Variants in GRM5 observed in about 807,000 individuals in gnomAD.
The protein encoded by GRM5 is metabotropic glutamate receptor 5.
Under a neutral mutation model 83.1 loss-of-function variants are expected in GRM5, and 19 were observed. The observed-to-expected ratio is 0.23, with a 90% CI of 0.16 to 0.34. GRM5 has a LOEUF of 0.34. Among genes scored for constraint, GRM5 ranks in the 10% least tolerant of loss-of-function variants. GRM5 has a pLI of 1.00. For missense variants in GRM5, 1,160 were observed against 1,588.3 expected (o/e 0.73, Z 4.58); for synonymous variants, 675 against 633.6 (o/e 1.07, Z -0.98).
At chr11:88,728,656 C>T (rs1941737794) in intron 3 of GRM5, among the ~76,000 whole-genome samples, 1 of 152,122 alleles carries the variant, frequency 6.6e-6, no homozygotes, top group Non-Finnish European at 1.5e-5. Context: ...TCCAGCAGCA[C>T]ATCAAAAAGC....
At chr11:88,956,500 A>T (rs1470752140) in intron 2 of GRM5, among the ~76,000 whole-genome samples, 2 of 152,216 alleles carry the variant, frequency 1.3e-5, no homozygotes, top group Non-Finnish European at 2.9e-5. Flanking sequence ...AAGGCACAGT[A>T]TGTAGTATAT....
chr11:88,617,403 T>G (rs1002777130), intron 4 of GRM5, among the ~76,000 whole-genome samples: 1 of 152,174 alleles, frequency 6.6e-6, no homozygotes, highest in African/African-American at 2.4e-5. Context: ...TGCATGAGTT[T>G]CTTGGACCTT....
At chr11:88,561,599 A>T (rs1942756484) in intron 8 of GRM5, among the ~76,000 whole-genome samples, 1 of 152,184 alleles carries the variant, frequency 6.6e-6, no homozygotes, top group South Asian at 2.1e-4. Flanking sequence ...GTCAATTTGC[A>T]GCTGAAGTGA....
chr11:88,854,377 A>C (rs1170358993), intron 2 of GRM5, among the ~76,000 whole-genome samples: 1 of 151,956 alleles, frequency 6.6e-6, no homozygotes, highest in Non-Finnish European at 1.5e-5. Flanking sequence ...AAACATGAAC[A>C]GAGTTGCACA....
At chr11:88,705,301 A>C (rs1357149443) in intron 3 of GRM5, among the ~76,000 whole-genome samples, 1 of 152,050 alleles carries the variant, frequency 6.6e-6, no homozygotes, top group Non-Finnish European at 1.5e-5. Context: ...AAGTGTGAGT[A>C]CTCAGGATTG....
chr11:88,669,354 T>C (rs188523907), intron 3 of GRM5, among the ~76,000 whole-genome samples: 3 of 152,254 alleles, frequency 2.0e-5, no homozygotes, highest in Admixed American at 2.0e-4. Flanking sequence ...CCAGAGTCTT[T>C]ACAGTGAAGA....
At chr11:88,571,829 A>G (rs1943009030) in intron 7 of GRM5, among the ~76,000 whole-genome samples, 1 of 152,144 alleles carries the variant, frequency 6.6e-6, no homozygotes, top group South Asian at 2.1e-4. Flanking sequence ...AGATAGATTG[A>G]AAAGGCAGGA....
At chr11:88,815,858 G>T (rs531542592) in intron 3 of GRM5, among the ~76,000 whole-genome samples, 13 of 152,256 alleles carry the variant, frequency 8.5e-5, no homozygotes, top group African/African-American at 2.9e-4. Flanking sequence ...ATGTTTGGGG[G>T]ACAAGCATGC....
At chr11:88,647,669 CAA>C (rs1939502405) in intron 4 of GRM5, among the ~76,000 whole-genome samples, 1 of 151,978 alleles carries the variant, frequency 6.6e-6, no homozygotes, top group African/African-American at 2.4e-5. Flanking sequence ...TAATTAAACT[CAA>C]GAGCTTCTGC....
chr11:88,605,390 C>T (rs547372853), intron 4 of GRM5, among the ~76,000 whole-genome samples: 1 of 151,634 alleles, frequency 6.6e-6, no homozygotes, highest in African/African-American at 2.4e-5. Context: ...CCTGGCGATA[C>T]TAGATATTCC....
intron 4 of GRM5, among the ~76,000 whole-genome samples, chr11:88,636,706 TA>T (rs1254023921): frequency 1.3e-5 from 2 of 152,234 alleles, no homozygotes; most frequent in Non-Finnish European, 2.9e-5. Flanking sequence ...TTATAATTTT[TA>T]AATGTGTTAT....
chr11:88,767,364 C>A (rs1000391582), intron 3 of GRM5, among the ~76,000 whole-genome samples: 1 of 151,906 alleles, frequency 6.6e-6, no homozygotes, highest in African/African-American at 2.4e-5. Context: ...ACCATAAAAA[C>A]ACATGTATGT....
At chr11:89,006,425 T>C (rs947122297) in intron 2 of GRM5, among the ~76,000 whole-genome samples, 1 of 152,198 alleles carries the variant, frequency 6.6e-6, no homozygotes, top group African/African-American at 2.4e-5. Flanking sequence ...ACTCTCTCCC[T>C]GCTTCCACCT....
chr11:88,683,458 T>C (rs546113506), intron 3 of GRM5, among the ~76,000 whole-genome samples: 2 of 152,378 alleles, frequency 1.3e-5, no homozygotes, highest in African/African-American at 4.8e-5. Context: ...TAAATTGATT[T>C]TCCTTCTGCT....
intron 2 of GRM5, among the ~76,000 whole-genome samples, chr11:88,924,375 T>G (rs547847448): frequency 1.3e-5 from 2 of 152,094 alleles, no homozygotes; most frequent in Non-Finnish European, 2.9e-5. Flanking sequence ...TGCAGCATCA[T>G]GCACAGTAAC....
chr11:88,759,770 A>G (rs1193595211), intron 3 of GRM5, among the ~76,000 whole-genome samples: 1 of 152,106 alleles, frequency 6.6e-6, no homozygotes, highest in Non-Finnish European at 1.5e-5. Context: ...ACAAAGGAAT[A>G]TATATTCTTT....
chr11:88,568,651 G>T (rs933985409), intron 7 of GRM5, among the ~76,000 whole-genome samples: 2 of 152,148 alleles, frequency 1.3e-5, no homozygotes, highest in Admixed American at 6.5e-5. Context: ...TGGTTTCTGT[G>T]TGGGTTTTGG....
intron 3 of GRM5, among the ~76,000 whole-genome samples, chr11:88,842,495 G>A (rs1944221105): frequency 6.6e-6 from 1 of 152,090 alleles, no homozygotes; most frequent in Non-Finnish European, 1.5e-5. Context: ...GCCATGTCTT[G>A]TTAAATTGCC....
intron 3 of GRM5, among the ~76,000 whole-genome samples, chr11:88,780,696 T>C (rs1942957123): frequency 6.6e-6 from 1 of 151,704 alleles, no homozygotes; most frequent in Non-Finnish European, 1.5e-5. Context: ...TTATTTTTAT[T>C]AAAAAATGTT....
Sources: gnomAD v4.1 joint callset for allele counts (sites outside exome capture counted in the v4.1 genomes callset) on GRCh38, gnomAD v4.1.1 for gene constraint, MANE v1.5 for transcripts, NCBI Gene and HGNC (gene_info 2026-07-23, HGNC 2026-07-21) for gene names.